The following NCKAP5 variants were observed in gnomAD, a reference collection of about 807,000 sequenced individuals.
NCKAP5 encodes the protein NCK associated protein 5, also known as nck-associated protein 5.
Under a neutral mutation model 167.0 loss-of-function variants are expected in NCKAP5, and 92 were observed. The ratio of observed to expected loss-of-function variants is 0.55; its 90% confidence interval spans 0.47 to 0.66. NCKAP5 has a LOEUF of 0.66. NCKAP5 is among the 30% of genes least tolerant of loss of function. NCKAP5 has a pLI of 0.00. For missense variants in NCKAP5, 2,378 were observed against 2,315.0 expected, an observed-to-expected ratio of 1.03 and a Z score of -0.56; for synonymous variants, 891 against 877.4, an observed-to-expected ratio of 1.02 and a Z score of -0.27.
chr2:133,053,297 G>T (rs2079673271), intron 6 of NCKAP5, among the ~76,000 whole-genome samples: 1 of 152,178 alleles, frequency 6.6e-6, no homozygotes, highest in Non-Finnish European at 1.5e-5. Context: ...GTCTCCTGGA[G>T]GAGGGATTTG....
the NCKAP5 span, among the ~76,000 whole-genome samples, chr2:133,671,278 G>T: frequency 1.3e-5 from 2 of 150,322 alleles, no homozygotes; most frequent in Non-Finnish European, 3.0e-5. Context: ...GAGGAGATGA[G>T]AGCAGAGGCA....
chr2:132,991,791 A>G (rs970508206), intron 7 of NCKAP5, among the ~76,000 whole-genome samples: 3 of 152,112 alleles, frequency 2.0e-5, no homozygotes, highest in African/African-American at 7.2e-5. Flanking sequence ...TGCTAATGAC[A>G]CCCCATATTA....
chr2:132,762,177 A>C (rs1681065919), intron 16 of NCKAP5, among the ~76,000 whole-genome samples: 1 of 150,776 alleles, frequency 6.6e-6, no homozygotes, highest in Non-Finnish European at 1.5e-5. Flanking sequence ...TGATGTGAGG[A>C]CAAAACAAGG....
At chr2:132,690,938 C>A (rs575722176) in intron 19 of NCKAP5, among the ~76,000 whole-genome samples, 9 of 152,276 alleles carry the variant, frequency 5.9e-5, no homozygotes, top group South Asian at 2.1e-4. Context: ...TGTCACTCTG[C>A]CATTTCCCTC....
intron 8 of NCKAP5, among the ~76,000 whole-genome samples, chr2:132,895,441 C>T (rs1693111695): frequency 6.6e-6 from 1 of 151,568 alleles, no homozygotes; most frequent in East Asian, 1.9e-4. Context: ...TCATTCTTTG[C>T]AGAAACAATT....
the NCKAP5 span, among the ~76,000 whole-genome samples, chr2:133,673,507 G>T: frequency 0.46 from 70,503 of 152,064 alleles, 18,446 homozygotes; most frequent in Non-Finnish European, 0.57. Context: ...GTATACTACT[G>T]TGTGTGTGAG....
chr2:133,105,512 C>T (rs2081655134), intron 6 of NCKAP5, among the ~76,000 whole-genome samples: 1 of 152,204 alleles, frequency 6.6e-6, no homozygotes. Context: ...CTCTTTTGAA[C>T]TCTTTATTTC....
intron 3 of NCKAP5, among the ~76,000 whole-genome samples, chr2:133,397,833 C>T (rs759911705): frequency 8.5e-5 from 13 of 152,304 alleles, no homozygotes; most frequent in Non-Finnish European, 1.6e-4. Flanking sequence ...CTTGGCCTTG[C>T]AGCTGATAAA....
At chr2:133,572,641 C>A (rs747666324), upstream of NCKAP5, among the ~76,000 whole-genome samples, 1 of 152,300 alleles carries the variant, frequency 6.6e-6, no homozygotes, top group South Asian at 2.1e-4. Flanking sequence ...GTGTCTTCTC[C>A]TGGAGCTAAT....
At chr2:133,504,099 C>T (rs1359091088) in intron 3 of NCKAP5, among the ~76,000 whole-genome samples, 1 of 152,110 alleles carries the variant, frequency 6.6e-6, no homozygotes, top group African/African-American at 2.4e-5. Context: ...GGAGGTTTAG[C>T]TCCATGGGAA....
chr2:133,178,773 C>T (rs2084593259), intron 5 of NCKAP5, among the ~76,000 whole-genome samples: 1 of 142,990 alleles, frequency 7.0e-6, no homozygotes, highest in African/African-American at 2.6e-5. Context: ...TGCAGTGAGC[C>T]GAGATAGCGC....
intron 3 of NCKAP5, 137 bp downstream of exon 3, chr2:133,517,321 C>A (rs995439316): frequency 2.3e-6 from 1 of 439,338 alleles, no homozygotes; most frequent in East Asian, 3.5e-5. Flanking sequence ...ATAAATGAAA[C>A]AAAATCTCAA....
chr2:133,606,357 C>A, the NCKAP5 span, among the ~76,000 whole-genome samples: 1 of 152,160 alleles, frequency 6.6e-6, no homozygotes, highest in Non-Finnish European at 1.5e-5. Flanking sequence ...CTGTTGACCA[C>A]AAAGAACTTA....
chr2:133,081,471 T>G (rs935397768), intron 6 of NCKAP5, among the ~76,000 whole-genome samples: 2 of 152,210 alleles, frequency 1.3e-5, no homozygotes, highest in Non-Finnish European at 2.9e-5. Flanking sequence ...AAATACAGTA[T>G]CTGCTTATTT....
In NCKAP5 at chr2:133,391,563, G is replaced by A. The variant is rs554607521; in HGVS notation, c.70-88453C>T. Among the ~76,000 whole-genome samples the A allele has an allele frequency of 1.8e-4, 28 of 152,134 alleles. No individual in the cohort carries two copies. The South Asian group carries it at 5.2e-3, about 28-fold the overall frequency. ...CTGAGTCTTCCTTCTCTATCTTCTT[G>A]GTGGCCCCACAGTCCATCTGGTCAC... On this transcript the variant is annotated intron_variant, in intron 3 of 19. Transcript: ENST00000409261.
chr2:132,790,235 G>T, intron 12 of NCKAP5, 30 bp from the exon 13 acceptor site: 1 of 1,585,372 alleles, frequency 6.3e-7, no homozygotes, highest in South Asian at 1.1e-5. Context: ...CTGAGCAAGG[G>T]CTTTGCTCAG....
intron 5 of NCKAP5, among the ~76,000 whole-genome samples, chr2:133,192,178 A>G (rs751697595): frequency 6.6e-6 from 1 of 152,114 alleles, no homozygotes; most frequent in Non-Finnish European, 1.5e-5. Flanking sequence ...CAAATATGCA[A>G]AAGTAATTCC....
chr2:133,215,163 A>C (rs933042414), intron 4 of NCKAP5, among the ~76,000 whole-genome samples: 2 of 152,188 alleles, frequency 1.3e-5, no homozygotes, highest in African/African-American at 4.8e-5. Context: ...AAGGAGCCAC[A>C]AAGGGATGGA....
the NCKAP5 span, among the ~76,000 whole-genome samples, chr2:133,597,704 G>GAAAA: frequency 2.9e-5 from 4 of 136,580 alleles, no homozygotes; most frequent in African/African-American, 1.1e-4. Context: ...AAAAAGAAGA[G>GAAAA]AAAAAAAAGG....
Sources: allele counts gnomAD v4.1 joint callset (sites outside exome capture counted in the v4.1 genomes callset), GRCh38; gene constraint gnomAD v4.1.1; transcripts MANE v1.5; gene names NCBI Gene and HGNC (gene_info 2026-07-23, HGNC 2026-07-21).